Variants in HDX observed in about 807,000 individuals in gnomAD.
HDX encodes chromosome X open reading frame 43.
HDX carries 19 observed loss-of-function variants against 45.2 expected under a neutral mutation model. The ratio of observed to expected loss-of-function variants is 0.42; its 90% confidence interval spans 0.29 to 0.62. HDX has a LOEUF of 0.62. Ranked by LOEUF, HDX falls within the 20% of genes least tolerant of loss-of-function variation. HDX has a pLI of 0.20. For missense variants in HDX, 532 were observed against 493.9 expected (o/e 1.08, Z -0.73); for synonymous variants, 188 against 172.8 (o/e 1.09, Z -0.69).
At chrX:84,354,938 T>C (rs199587163) in intron 6 of HDX, among the ~76,000 whole-genome samples, 4,180 of 20,152 alleles carry the variant, frequency 0.21, 84 homozygotes, top group East Asian at 0.29. Context: ...CACATATATA[T>C]ATATATATAT....
rs2036601682 is a variant in HDX at position 84,321,783 on chromosome X, G to C, written c.*106C>G. 2 of 604,110 alleles carry C rather than the reference G, an allele frequency of 3.3e-6. No homozygotes were observed. The highest frequency in any genetic ancestry group is 7.1e-5 in the Admixed American group (2 of 28,091). The allele number at this position is 604,110 out of a possible 1,213,427, so 49.8% of individuals were successfully genotyped here. A position where few individuals can be genotyped will look rare whatever the true frequency, so the allele number is the denominator to read the frequency against. ...CACAGAATACGTCCGTTTCAACAATGTGTTTTCCCAACTAAAGAATACCAG... is the reference window on the plus strand; with the variant it reads ...CACAGAATACGTCCGTTTCAACAATCTGTTTTCCCAACTAAAGAATACCAG... On this transcript the variant is annotated 3_prime_UTR_variant, in exon 11 of 11. Coordinates refer to ENST00000373177, the MANE Select transcript of HDX (RefSeq NM_001177479.2).
intron 5 of HDX, among the ~76,000 whole-genome samples, chrX:84,363,658 A>ATTTATT (rs2037673369): frequency 8.9e-6 from 1 of 112,239 alleles, no homozygotes; most frequent in Admixed American, 9.5e-5. Context: ...TCCTAAGAGC[A>ATTTATT]TATTTTTACT....
intron 5 of HDX, 60 bp from the exon 6 acceptor site, chrX:84,361,672 A>G: frequency 1.1e-6 from 1 of 934,504 alleles, no homozygotes; most frequent in East Asian, 3.5e-5. Context: ...CAAAGGAAAT[A>G]ATATTATAAA....
rs999298493 is a variant in HDX, at chrX:84,483,628, T to C, written c.-1+4396A>G. On this transcript the variant is annotated intron_variant, in intron 2 of 10. Coordinates refer to ENST00000373177, the MANE Select transcript of HDX (RefSeq NM_001177479.2). ...GATGGGATGGGCTTCCGTGAAGACC[T>C]CTGAAATGCCCGGGAGACATTTTCT... 2.1e-4 allele frequency among the ~76,000 whole-genome samples: 24 copies of C among 112,565 alleles called. 1 individual carries two copies. Among genetic ancestry groups the C allele is most frequent in the Non-Finnish European group, 3.8e-5 (2 of 53,293 alleles).
At chrX:84,494,928 T>C (rs771536310) in intron 1 of HDX, among the ~76,000 whole-genome samples, 5 of 111,723 alleles carry the variant, frequency 4.5e-5, no homozygotes, top group African/African-American at 1.6e-4. Flanking sequence ...ATAGCCAAGA[T>C]ACGGAGTCAA....
At chrX:84,368,645 A>G (rs1349633560) in intron 5 of HDX, among the ~76,000 whole-genome samples, 2 of 111,586 alleles carry the variant, frequency 1.8e-5, no homozygotes, top group Non-Finnish European at 3.8e-5. Context: ...GCCATTATAA[A>G]CCCTTTTCAA....
chrX:84,500,471 CA>C (rs111470428), intron 1 of HDX, among the ~76,000 whole-genome samples: 1,003 of 62,229 alleles, frequency 0.016, 9 homozygotes, highest in African/African-American at 0.047. Flanking sequence ...CACACACACA[CA>C]ACAACAACAA....
intron 4 of HDX, among the ~76,000 whole-genome samples, chrX:84,442,840 C>A (rs1165508449): frequency 9.0e-6 from 1 of 110,781 alleles, no homozygotes; most frequent in Non-Finnish European, 1.9e-5. Flanking sequence ...AAATGAATTA[C>A]AAACAAAACA....
chrX:84,439,337 C>T (rs1201060249), intron 5 of HDX, among the ~76,000 whole-genome samples: 1 of 102,268 alleles, frequency 9.8e-6, no homozygotes, highest in Non-Finnish European at 2.0e-5. Context: ...AATATTCTCT[C>T]CCATTCTGTA....
chrX:84,488,322 AAAAC>A (rs760909562), intron 1 of HDX, among the ~76,000 whole-genome samples, 190 bp from the exon 2 acceptor site: 23 of 46,022 alleles, frequency 5.0e-4, no homozygotes, highest in Non-Finnish European at 7.9e-4. Flanking sequence ...TTTAAAATCT[AAAAC>A]ACACACACAC....
At chrX:84,482,880 T>G (rs2040717318) in intron 2 of HDX, among the ~76,000 whole-genome samples, 1 of 111,881 alleles carries the variant, frequency 8.9e-6, no homozygotes, top group Admixed American at 9.5e-5. Flanking sequence ...CTAGATACAA[T>G]GGGAGTGCAG....
At chrX:84,460,434 A>G (rs997132685) in intron 4 of HDX, among the ~76,000 whole-genome samples, 1 of 112,277 alleles carries the variant, frequency 8.9e-6, no homozygotes, top group Non-Finnish European at 1.9e-5. Context: ...AAATGAAGGA[A>G]CAAAACCATA....
chrX:84,391,708 G>A (rs1430871192), intron 5 of HDX, among the ~76,000 whole-genome samples: 1 of 111,500 alleles, frequency 9.0e-6, no homozygotes, highest in African/African-American at 3.3e-5. Context: ...GGAATGTTGA[G>A]CATTTTTTCA....
intron 6 of HDX, among the ~76,000 whole-genome samples, chrX:84,352,028 T>C (rs2037372882): frequency 1.8e-5 from 2 of 112,171 alleles, no homozygotes; most frequent in South Asian, 3.7e-4. Flanking sequence ...GTTTAGACTT[T>C]CAGCTGTAAA....
chrX:84,469,481 G>A lies in HDX; in HGVS notation c.242C>T (p.Thr81Ile). 3 of 1,210,388 alleles carry A rather than the reference G, an allele frequency of 2.5e-6. No individual in the cohort carries two copies. Among genetic ancestry groups the A allele is most frequent in the Non-Finnish European group, 3.4e-6 (3 of 894,586 alleles). ...TGTSLSAPDI[T>I]VRNVVNIARP... is the part of the protein sequence containing the mutation. ...AGCAATATTAACCACATTTCTGACTGTGATGTCTGGAGCTGACAAAGAGGT... is the reference window on the plus strand; with the variant it reads ...AGCAATATTAACCACATTTCTGACTATGATGTCTGGAGCTGACAAAGAGGT... The change falls in exon 4 of 11, where the codon ACA (threonine) becomes ATA (isoleucine). Residue 81 changes from threonine to isoleucine, a missense_variant. Thr to Ile is a moderately conservative substitution (Grantham distance 89). Coordinates refer to ENST00000373177, the MANE Select transcript of HDX (RefSeq NM_001177479.2).
At chrX:84,354,266 TA>T (rs2037423799) in intron 6 of HDX, among the ~76,000 whole-genome samples, 1 of 111,891 alleles carries the variant, frequency 8.9e-6, no homozygotes, top group Admixed American at 9.5e-5. Context: ...TAATGGCTAT[TA>T]AAAATGAGTA....
chrX:84,423,483 CAAAA>C (rs538893311), intron 5 of HDX, among the ~76,000 whole-genome samples: 28 of 59,502 alleles, frequency 4.7e-4, no homozygotes, highest in African/African-American at 1.6e-3. Context: ...ACAGAAACAT[CAAAA>C]AAAAAAAAAA....
chrX:84,344,242 T>C lies in HDX; in HGVS notation c.1660+8A>G. 1 of 1,165,213 alleles carries C rather than the reference T, an allele frequency of 8.6e-7. No homozygotes were observed. Among genetic ancestry groups the C allele is most frequent in the Non-Finnish European group, 1.2e-6 (1 of 854,473 alleles). ...GGCTATTATTAGAAGATTCAGCATA[T>C]AAAGTACCTTGAGAGCTTCCTTCAG... is the stretch of plus-strand genomic sequence containing the variant. On this transcript the variant is annotated splice_region_variant and intron_variant, in intron 7 of 10. Coordinates refer to ENST00000373177, the MANE Select transcript of HDX (RefSeq NM_001177479.2).
In HDX at chrX:84,403,089, C is replaced by A. The variant is rs1275304760; in HGVS notation, c.1305+37443G>T. ...ATTTTAAATACTGAAGCTATTTACC[C>A]CCTTACAACTTTGGGGGAAAAAAAG... On this transcript the variant is annotated intron_variant, in intron 5 of 10. Transcript: ENST00000373177. Among the ~76,000 whole-genome samples, 3 of 110,494 alleles carry A rather than the reference C, an allele frequency of 2.7e-5. No individual in the cohort carries two copies. The Admixed American group carries it at 2.9e-4, about 11-fold the overall frequency.
Sources: gnomAD v4.1 joint callset for allele counts (sites outside exome capture counted in the v4.1 genomes callset) on GRCh38, gnomAD v4.1.1 for gene constraint, MANE v1.5 for transcripts, NCBI Gene and HGNC (gene_info 2026-07-23, HGNC 2026-07-21) for gene names.